Variants in NAV3 observed in about 807,000 individuals in gnomAD.
The protein encoded by NAV3 is pore membrane and/or filament interacting like protein 1.
In NAV3, 87 loss-of-function variants were observed where a neutral mutation model predicts 244.7. That is an observed-to-expected ratio of 0.36 (90% CI 0.30 to 0.42). NAV3 has a LOEUF of 0.42. NAV3 is among the 20% of genes least tolerant of loss of function. The probability of loss-of-function intolerance (pLI) is 1.00; values close to 1 mark genes in which losing one functional copy is unlikely to be tolerated. For missense variants in NAV3, 2,663 were observed against 2,893.3 expected, an observed-to-expected ratio of 0.92 and a Z score of 1.83; for synonymous variants, 1,126 against 1,042.2, an observed-to-expected ratio of 1.08 and a Z score of -1.55.
rs1958809606 is a variant in NAV3 at position 78,188,133 on chromosome 12, TTTA to T, written c.5791-114_5791-112del. On this transcript the variant is annotated intron_variant, in intron 31 of 39. Coordinates refer to ENST00000397909, the MANE Select transcript of NAV3 (RefSeq NM_001024383.2). ...TGTCTGTTACTATAGAAGCCACAGGTTTAACAAATAGTTTAGTCTTAACAACAA... is the reference window on the plus strand; with the variant it reads ...TGTCTGTTACTATAGAAGCCACAGGTACAAATAGTTTAGTCTTAACAACAA... The T allele has an allele frequency of 8.0e-6, 6 of 747,382 alleles. No individual in the cohort carries two copies. The East Asian group carries it at 1.6e-4, about 20-fold the overall frequency. The allele number at this position is 747,382 out of a possible 1,614,324, so 46.3% of individuals were successfully genotyped here. A position where few individuals can be genotyped will look rare whatever the true frequency, so the allele number is the denominator to read the frequency against.
chr12:78,000,201 A>G (rs1873009266), intron 7 of NAV3, among the ~76,000 whole-genome samples: 1 of 152,162 alleles, frequency 6.6e-6, no homozygotes, highest in Non-Finnish European at 1.5e-5. Flanking sequence ...AGGCAGTGCA[A>G]AATTAGATAG....
At chr12:78,046,492 C>T (rs12296226) in intron 9 of NAV3, among the ~76,000 whole-genome samples, 6 of 152,074 alleles carry the variant, frequency 3.9e-5, no homozygotes, top group Middle Eastern at 3.4e-3. Flanking sequence ...TTATTTACCC[C>T]GTGGTCATTC....
chr12:77,833,878 C>T (rs1238305750), intron 1 of NAV3, among the ~76,000 whole-genome samples: 1 of 152,096 alleles, frequency 6.6e-6, no homozygotes, highest in African/African-American at 2.4e-5. Context: ...GGCTAGATTC[C>T]CCTCGGGTCC....
chr12:77,974,680 T>C (rs1372942180), intron 5 of NAV3, among the ~76,000 whole-genome samples: 2 of 152,166 alleles, frequency 1.3e-5, no homozygotes, highest in Non-Finnish European at 2.9e-5. Flanking sequence ...GTCAAGCAAG[T>C]ATGGGTTGGA....
chr12:77,812,268 T>C (rs1186934525), intron 2 of NAV3, among the ~76,000 whole-genome samples: 1 of 152,174 alleles, frequency 6.6e-6, no homozygotes, highest in Non-Finnish European at 1.5e-5. Context: ...GAAACCCAAT[T>C]AATGAGTGAA....
chr12:78,002,628 TC>T (rs1044205921), intron 7 of NAV3, among the ~76,000 whole-genome samples: 1 of 152,142 alleles, frequency 6.6e-6, no homozygotes, highest in Non-Finnish European at 1.5e-5. Flanking sequence ...TACAATAAAG[TC>T]AAAGAACTGA....
intron 18 of NAV3, among the ~76,000 whole-genome samples, chr12:78,136,167 G>A (rs866433665): frequency 5.3e-5 from 8 of 152,178 alleles, no homozygotes; most frequent in South Asian, 4.1e-4. Flanking sequence ...AGTGATGTCA[G>A]AACAACTCTA....
intron 2 of NAV3, among the ~76,000 whole-genome samples, chr12:77,802,634 G>C (rs998590652): frequency 2.0e-5 from 3 of 152,036 alleles, no homozygotes; most frequent in Non-Finnish European, 4.4e-5. Flanking sequence ...GCCAAAAACA[G>C]CTTTAAAAAC....
At chr12:77,603,900 G>A (rs1026271091) in intron 2 of NAV3, among the ~76,000 whole-genome samples, 6 of 152,022 alleles carry the variant, frequency 3.9e-5, no homozygotes, top group African/African-American at 7.2e-5. Flanking sequence ...CAAAATTGAC[G>A]AAGTCCTCAT....
intron 12 of NAV3, among the ~76,000 whole-genome samples, chr12:78,087,906 TTA>T (rs912518485): frequency 4.0e-5 from 6 of 151,862 alleles, no homozygotes; most frequent in African/African-American, 9.7e-5. Flanking sequence ...ATATGAACTA[TTA>T]TGTTTATTGC....
At chr12:78,026,037 C>A (rs112378090) in intron 9 of NAV3, among the ~76,000 whole-genome samples, 3,519 of 152,224 alleles carry the variant, frequency 0.023, 67 homozygotes, top group Non-Finnish European at 0.037. Context: ...TTTCCTCAAA[C>A]CTTACTGTTC....
intron 2 of NAV3, among the ~76,000 whole-genome samples, chr12:77,723,114 CTA>C (rs1489828807): frequency 3.3e-5 from 5 of 151,892 alleles, no homozygotes; most frequent in African/African-American, 1.2e-4. Flanking sequence ...TATAGTGTCT[CTA>C]TTCAGAGAGA....
At chr12:77,645,241 A>G (rs1237344882) in intron 2 of NAV3, among the ~76,000 whole-genome samples, 1 of 150,552 alleles carries the variant, frequency 6.6e-6, no homozygotes, top group African/African-American at 2.5e-5. Flanking sequence ...CACACAAATA[A>G]TTCAAAATGA....
At chr12:77,963,619 A>G (rs1197341511) in intron 3 of NAV3, among the ~76,000 whole-genome samples, 2 of 152,176 alleles carry the variant, frequency 1.3e-5, no homozygotes, top group African/African-American at 4.8e-5. Context: ...AGCCTTTAAT[A>G]GTCATATTGG....
intron 9 of NAV3, among the ~76,000 whole-genome samples, chr12:78,025,364 G>A (rs117063497): frequency 0.036 from 5,452 of 152,070 alleles, 102 homozygotes; most frequent in Non-Finnish European, 0.053. Flanking sequence ...TTGGGAGGCC[G>A]AGGGGGTCAG....
At chr12:77,855,146 T>A (rs753274255) in intron 1 of NAV3, among the ~76,000 whole-genome samples, 1 of 151,848 alleles carries the variant, frequency 6.6e-6, no homozygotes, top group East Asian at 1.9e-4. Context: ...AAATAAAAAA[T>A]ATATGCTGAC....
intron 38 of NAV3, among the ~76,000 whole-genome samples, chr12:78,204,152 A>G (rs1960037220): frequency 6.6e-6 from 1 of 151,926 alleles, no homozygotes; most frequent in Non-Finnish European, 1.5e-5. Flanking sequence ...GGAATTGAAC[A>G]ATGAGAACAC....
intron 12 of NAV3, among the ~76,000 whole-genome samples, chr12:78,064,780 G>A (rs182183834): frequency 1.3e-5 from 2 of 151,930 alleles, no homozygotes; most frequent in Non-Finnish European, 2.9e-5. Context: ...TCATATATAC[G>A]AGTGTATACA....
In NAV3 at chr12:77,787,018, C is replaced by A. The variant is rs537671872; in HGVS notation, c.73-153301C>A. Among the ~76,000 whole-genome samples the A allele has an allele frequency of 2.4e-4, 36 of 151,932 alleles. No homozygotes were observed. In the South Asian group the frequency reaches 6.7e-3, roughly 28 times the overall value. ...TTCGTTGAAAAGTACTCCCTTTAAC[C>A]CCCTATCTGCTTGAACCTCTGATCT... On this transcript the variant is annotated intron_variant, in intron 2 of 8. Transcript: ENST00000550042.
Sources: gnomAD v4.1 joint callset for allele counts (sites outside exome capture counted in the v4.1 genomes callset) on GRCh38, gnomAD v4.1.1 for gene constraint, MANE v1.5 for transcripts, NCBI Gene and HGNC (gene_info 2026-07-23, HGNC 2026-07-21) for gene names.